NPAT: variants seen among roughly 807,000 people sequenced by gnomAD.
The protein encoded by NPAT is protein NPAT.
Under a neutral mutation model 130.7 loss-of-function variants are expected in NPAT, and 52 were observed. That is an observed-to-expected ratio of 0.40 (90% CI 0.32 to 0.50). NPAT has a LOEUF of 0.50. Ranked by LOEUF, NPAT falls within the 20% of genes least tolerant of loss-of-function variation. The probability of loss-of-function intolerance (pLI) is 0.68; values close to 1 mark genes in which losing one functional copy is unlikely to be tolerated. For missense variants in NPAT, 1,687 were observed against 1,662.6 expected, an observed-to-expected ratio of 1.01 and a Z score of -0.26; for synonymous variants, 580 against 584.8, an observed-to-expected ratio of 0.99 and a Z score of 0.12.
chr11:108,180,996 A>G (rs2078052990), intron 10 of NPAT, among the ~76,000 whole-genome samples: 1 of 152,210 alleles, frequency 6.6e-6, no homozygotes, highest in African/African-American at 2.4e-5. Flanking sequence ...CAAACTCATC[A>G]AAACAGAAAG....
At chr11:108,180,472 A>C (rs1467372018) in intron 10 of NPAT, among the ~76,000 whole-genome samples, 2 of 152,256 alleles carry the variant, frequency 1.3e-5, no homozygotes, top group Non-Finnish European at 2.9e-5. Context: ...ACTAATCATT[A>C]GAGAATTGCA....
chr11:108,177,948 T>G lies in NPAT; in HGVS notation c.907-858A>C, dbSNP rs148401130. Among the ~76,000 whole-genome samples the G allele has an allele frequency of 6.5e-3, 994 of 152,290 alleles. 14 individuals are homozygous for G. The highest frequency in any genetic ancestry group is 0.023 in the African/African-American group (945 of 41,558). ...GTTGCCCAGGCTGGTCTTGAACTCC[T>G]GGGCTCATGCGATCCGCCCACCTCG... On this transcript the variant is annotated intron_variant, in intron 10 of 17. Coordinates refer to ENST00000278612, the MANE Select transcript of NPAT (RefSeq NM_002519.3).
At chr11:108,205,732 T>C (rs556401455) in intron 1 of NPAT, among the ~76,000 whole-genome samples, 3 of 152,288 alleles carry the variant, frequency 2.0e-5, no homozygotes, top group Admixed American at 2.0e-4. Flanking sequence ...GGAGAGTAAC[T>C]TGATAACAAC....
chr11:108,193,904 A>G (rs1425470734), intron 3 of NPAT, 53 bp downstream of exon 3: 2 of 1,043,510 alleles, frequency 1.9e-6, no homozygotes, highest in Non-Finnish European at 3.0e-6. Flanking sequence ...AACTAAATCA[A>G]GTAGATAAAT....
intron 8 of NPAT, 87 bp from the exon 9 acceptor site, chr11:108,185,581 G>T: frequency 4.4e-6 from 4 of 906,204 alleles, no homozygotes; most frequent in Non-Finnish European, 7.0e-6. Context: ...ACCGATAAGA[G>T]CTGGATAGTT....
chr11:108,194,095 T>C (rs2078197460), intron 2 of NPAT, 78 bp from the exon 3 acceptor site: 4 of 815,834 alleles, frequency 4.9e-6, no homozygotes, highest in African/African-American at 1.7e-5. Flanking sequence ...ATTCTACCAT[T>C]CAACTTAATA....
chr11:108,218,332 A>AT (rs1449253293), intron 1 of NPAT, among the ~76,000 whole-genome samples: 4 of 152,190 alleles, frequency 2.6e-5, no homozygotes, highest in Non-Finnish European at 4.4e-5. Context: ...TATGAAGGGT[A>AT]TTTTTTCTTC....
At chr11:108,204,687 G>A (rs924891441) in intron 1 of NPAT, among the ~76,000 whole-genome samples, 5 of 152,250 alleles carry the variant, frequency 3.3e-5, no homozygotes, top group South Asian at 2.1e-4. Context: ...CCCAGGAGCC[G>A]CAAGCCAGAG....
Position 108,173,773 on chromosome 11 carries a change from T to C in NPAT, c.1211A>G (p.Asn404Ser). The C allele has an allele frequency of 1.9e-6, 3 of 1,614,176 alleles. No homozygotes were observed. The highest frequency in any genetic ancestry group is 2.5e-6 in the Non-Finnish European group (3 of 1,180,024). The change falls in exon 13 of 18, where the codon AAC (asparagine) becomes AGC (serine). Residue 404 changes from asparagine to serine, a missense_variant. By Grantham distance (46) the Asn-to-Ser change is conservative (BLOSUM62 1). This residue lies in a region of NPAT where 1,379 missense variants were observed against 1,346.6 expected (regional missense o/e 1.02). Coordinates refer to ENST00000278612, the MANE Select transcript of NPAT (RefSeq NM_002519.3). Reference sequence around the variant, plus strand: ...GTCTTCTTGTCTAAGCACATCATGGTTGTTGCTATTCTTCAAAGCATTTAA... The same window carrying C: ...GTCTTCTTGTCTAAGCACATCATGGCTGTTGCTATTCTTCAAAGCATTTAA... ...DPLNALKNSN[N>S]HDVLRQEDQE...
intron 1 of NPAT, among the ~76,000 whole-genome samples, chr11:108,220,320 T>C (rs1365259443): frequency 1.3e-5 from 2 of 152,194 alleles, no homozygotes; most frequent in Non-Finnish European, 2.9e-5. Flanking sequence ...TCATTGTTCT[T>C]TGAATAAATT....
At position 108,161,650 on chromosome 11, in the gene NPAT, A is replaced by T; in HGVS notation, c.3436T>A (p.Ser1146Thr). The T allele has an allele frequency of 6.2e-7, 1 of 1,613,936 alleles. No homozygotes were observed. Among genetic ancestry groups the T allele is most frequent in the Non-Finnish European group, 8.5e-7 (1 of 1,180,014 alleles). ...SRHTTIRETQ[S>T]EKKVSPTEIV... ...TCTGTTGGTGAAACTTTCTTTTCTGATTGAGTTTCTCTTATGGTGGTATGC... is the reference window on the plus strand; with the variant it reads ...TCTGTTGGTGAAACTTTCTTTTCTGTTTGAGTTTCTCTTATGGTGGTATGC... The change falls in exon 17 of 18, where the codon TCA becomes ACA. Residue 1146 changes from serine to threonine, a missense_variant. Physicochemically the swap from Ser to Thr is moderately conservative, Grantham distance 58. Around this residue, in one of 3 missense-constraint regions of NPAT, gnomAD observed 1,379 missense variants for 1,346.6 expected, o/e 1.02. Coordinates refer to ENST00000278612, the MANE Select transcript of NPAT (RefSeq NM_002519.3).
intron 1 of NPAT, among the ~76,000 whole-genome samples, chr11:108,211,268 A>G (rs1456177512): frequency 6.6e-6 from 1 of 151,782 alleles, no homozygotes; most frequent in Non-Finnish European, 1.5e-5. Flanking sequence ...CAGGGTGGGC[A>G]CAGTGGCTCA....
At chr11:108,209,916 C>T (rs1301248043) in intron 1 of NPAT, among the ~76,000 whole-genome samples, 2 of 128,478 alleles carry the variant, frequency 1.6e-5, no homozygotes, top group Non-Finnish European at 3.3e-5. Context: ...AAAAAAAATT[C>T]AATAACCACA....
At chr11:108,195,849 A>C (rs1194537742) in intron 2 of NPAT, among the ~76,000 whole-genome samples, 1 of 152,006 alleles carries the variant, frequency 6.6e-6, no homozygotes, top group Admixed American at 6.5e-5. Flanking sequence ...CTGGTACAGA[A>C]CTCCTGAGTT....
intron 12 of NPAT, 58 bp from the exon 13 acceptor site, chr11:108,173,909 T>TC (rs2077980413): frequency 2.0e-6 from 3 of 1,480,876 alleles, no homozygotes; most frequent in Non-Finnish European, 2.8e-6. Flanking sequence ...TCTGAGGTAG[T>TC]CATTTTTGCC....
rs1329438019 is a variant in NPAT, at chr11:108,189,150, T to C, written c.512A>G (p.Tyr171Cys). Residue 171 changes from tyrosine to cysteine, a missense_variant, in exon 6 of 18, where the codon TAT (tyrosine) becomes TGT (cysteine). Transcript: ENST00000278612. ...CTGTGAGTGGTTGACCACTACAAAA[T>C]ATGACCTCGATGGATCTGAAATTTG... Reference protein sequence around the residue: ...SGQISDPSRSYFVVVNHSQSQ... With the variant: ...SGQISDPSRSCFVVVNHSQSQ... 6 of 1,614,058 alleles carry C rather than the reference T, an allele frequency of 3.7e-6. No homozygotes were observed. The highest frequency in any genetic ancestry group is 5.1e-6 in the Non-Finnish European group (6 of 1,180,022).
chr11:108,181,665 CTTG>C (rs751996482), intron 10 of NPAT, among the ~76,000 whole-genome samples: 17 of 151,848 alleles, frequency 1.1e-4, no homozygotes, highest in Admixed American at 9.2e-4. Context: ...CCACAATGTG[CTTG>C]TTGTTCATTT....
intron 1 of NPAT, 127 bp from the exon 2 acceptor site, chr11:108,197,547 T>C: frequency 1.4e-6 from 1 of 728,658 alleles, no homozygotes; most frequent in East Asian, 2.5e-5. Context: ...CTCTAGTGTT[T>C]GGCAGCCTTG....
chr11:108,167,247 G>A (rs967947204), intron 15 of NPAT, among the ~76,000 whole-genome samples: 2 of 152,104 alleles, frequency 1.3e-5, no homozygotes, highest in African/African-American at 4.8e-5. Flanking sequence ...GGGTCTCACT[G>A]TTGCCCAGAC....
Sources: gnomAD v4.1 joint callset for allele counts (sites outside exome capture counted in the v4.1 genomes callset) on GRCh38, gnomAD v4.1.1 for gene constraint, gnomAD v4.1.1 regional missense constraint, MANE v1.5 for transcripts, NCBI Gene and HGNC (gene_info 2026-07-23, HGNC 2026-07-21) for gene names.